The following PTPRG variants were observed in gnomAD, a reference collection of about 807,000 sequenced individuals.
The protein encoded by PTPRG is receptor-type tyrosine-protein phosphatase gamma.
In PTPRG, 102 loss-of-function variants were observed where a neutral mutation model predicts 165.3. The ratio of observed to expected loss-of-function variants is 0.62; its 90% CI spans 0.53 to 0.73. The LOEUF (loss-of-function observed/expected upper bound fraction) is 0.73. PTPRG is among the 30% of genes least tolerant of loss of function. The pLI is 0.00. For missense variants in PTPRG, 1,866 were observed against 1,861.4 expected, an observed-to-expected ratio of 1.00 and a Z score of -0.05; for synonymous variants, 675 against 669.5, an observed-to-expected ratio of 1.01 and a Z score of -0.13.
chr3:62,046,092 C>T (rs1285449370), intron 4 of PTPRG, among the ~76,000 whole-genome samples: 1 of 152,180 alleles, frequency 6.6e-6, no homozygotes, highest in African/African-American at 2.4e-5. Flanking sequence ...AGGGCTGTGA[C>T]TGTCAAACTT....
chr3:61,654,120 G>A (rs1248713489), intron 1 of PTPRG, among the ~76,000 whole-genome samples: 9 of 152,114 alleles, frequency 5.9e-5, no homozygotes, highest in Non-Finnish European at 1.3e-4. Flanking sequence ...GTGCCTTATA[G>A]TGTTGTGGTG....
chr3:61,922,025 T>C (rs1169447434), intron 2 of PTPRG, among the ~76,000 whole-genome samples: 1 of 152,218 alleles, frequency 6.6e-6, no homozygotes, highest in Non-Finnish European at 1.5e-5. Flanking sequence ...AGGAAGCTCT[T>C]CCAGAAATGT....
rs1226305258 is a variant in PTPRG at position 62,003,492 on chromosome 3, G to C, written c.514G>C (p.Val172Leu). 3.1e-6 allele frequency: 5 copies of C among 1,613,712 alleles called. No homozygotes were observed. Among genetic ancestry groups the C allele is most frequent in the African/African-American group, 1.3e-5 (1 of 74,990 alleles). Residue 172 changes from valine to leucine, a missense_variant, in exon 4 of 30, where the codon GTT becomes CTT. By Grantham distance (32) the Val-to-Leu change is conservative. Transcript: ENST00000474889. ...CAGCATCAATGGCAGGAGGTTTCCT[G>C]TTGAGGTGAGAGAAAGTCAAGATCT... Reference protein sequence around the residue: ...EHSINGRRFPVEMQIFFYNPD... With the variant: ...EHSINGRRFPLEMQIFFYNPD...
intron 8 of PTPRG, among the ~76,000 whole-genome samples, chr3:62,171,778 C>T (rs947634373): frequency 6.6e-6 from 1 of 151,796 alleles, no homozygotes; most frequent in African/African-American, 2.4e-5. Flanking sequence ...GTGTACACAT[C>T]AGTGTTTTTT....
At chr3:61,756,043 G>A (rs1032864481) in intron 2 of PTPRG, among the ~76,000 whole-genome samples, 8 of 152,256 alleles carry the variant, frequency 5.3e-5, no homozygotes, top group Non-Finnish European at 1.0e-4. Context: ...TGTACAAGGA[G>A]GAGAAGGCAA....
intron 14 of PTPRG, among the ~76,000 whole-genome samples, chr3:62,241,092 G>T (rs944977772): frequency 6.6e-6 from 1 of 151,896 alleles, no homozygotes; most frequent in Non-Finnish European, 1.5e-5. Flanking sequence ...GAAGATTTTG[G>T]GTGTTTTTAA....
At chr3:61,597,555 T>G (rs1411969320) in intron 1 of PTPRG, among the ~76,000 whole-genome samples, 2 of 152,236 alleles carry the variant, frequency 1.3e-5, no homozygotes, top group African/African-American at 2.4e-5. Flanking sequence ...CTAGGGCATG[T>G]AAGTCCATTT....
At chr3:62,150,047 T>G (rs550785495) in intron 6 of PTPRG, among the ~76,000 whole-genome samples, 11 of 152,356 alleles carry the variant, frequency 7.2e-5, no homozygotes, top group Admixed American at 6.5e-4. Flanking sequence ...GCCTTCAGGC[T>G]TTCAATCAAA....
intron 1 of PTPRG, chr3:61,659,439 C>G (rs1374167889): frequency 3.0e-6 from 3 of 985,122 alleles, no homozygotes; most frequent in Non-Finnish European, 2.4e-6. Context: ...AGTGAAAAAG[C>G]CTTTGCAGGT....
intron 1 of PTPRG, among the ~76,000 whole-genome samples, chr3:61,569,615 G>A (rs1700008123): frequency 6.6e-6 from 1 of 152,176 alleles, no homozygotes; most frequent in Admixed American, 6.5e-5. Context: ...CATTGCTCCT[G>A]GCCACCGTTT....
chr3:61,825,580 A>C (rs1490341574), intron 2 of PTPRG, among the ~76,000 whole-genome samples: 2 of 152,156 alleles, frequency 1.3e-5, no homozygotes, highest in Non-Finnish European at 2.9e-5. Context: ...TAGTTAAATA[A>C]ATTTCACAAA....
At chr3:61,676,325 C>T (rs1405544552) in intron 1 of PTPRG, among the ~76,000 whole-genome samples, 4 of 151,262 alleles carry the variant, frequency 2.6e-5, no homozygotes, top group Non-Finnish European at 5.9e-5. Flanking sequence ...GGTGTGGTGG[C>T]GGGCACGTGA....
intron 5 of PTPRG, among the ~76,000 whole-genome samples, chr3:62,100,257 C>G (rs1702243935): frequency 6.6e-6 from 1 of 151,990 alleles, no homozygotes; most frequent in Non-Finnish European, 1.5e-5. Flanking sequence ...GGTCTATGAC[C>G]CAATTCTCAG....
intron 12 of PTPRG, 109 bp downstream of exon 12, chr3:62,204,059 TAGAA>T: frequency 6.9e-7 from 1 of 1,440,218 alleles, no homozygotes; most frequent in Non-Finnish European, 9.1e-7. Flanking sequence ...TTAATATTCT[TAGAA>T]TCATATATGT....
At position 62,214,278 on chromosome 3, in the gene PTPRG, G is replaced by A. The variant is rs1364308615; in HGVS notation, c.2156-4573G>A. Among the ~76,000 whole-genome samples the A allele has an allele frequency of 6.6e-6, 1 of 152,202 alleles. No homozygotes were observed. The highest frequency in any genetic ancestry group is 1.5e-5 in the Non-Finnish European group (1 of 68,034). Reference sequence around the variant, plus strand: ...GGGTGCTGAGGAAGAGAGTGGTGGTGATGATAAGTAATGATGCTGTTGCTA... The same window carrying A: ...GGGTGCTGAGGAAGAGAGTGGTGGTAATGATAAGTAATGATGCTGTTGCTA... On this transcript the variant is annotated intron_variant, in intron 12 of 29. Transcript: ENST00000474889. This position sits in a 1 kb window ranked among gnomAD's most constrained non-coding sequence, Gnocchi z 5.2.
At chr3:61,798,259 T>C (rs572659802) in intron 2 of PTPRG, among the ~76,000 whole-genome samples, 1 of 152,194 alleles carries the variant, frequency 6.6e-6, no homozygotes, top group Non-Finnish European at 1.5e-5. Context: ...TAGATACAAC[T>C]GTAGCTATAA....
chr3:61,597,554 G>A (rs1299916627), intron 1 of PTPRG, among the ~76,000 whole-genome samples: 4 of 152,220 alleles, frequency 2.6e-5, no homozygotes, highest in African/African-American at 9.6e-5. Context: ...TCTAGGGCAT[G>A]TAAGTCCATT....
intron 1 of PTPRG, among the ~76,000 whole-genome samples, chr3:61,590,129 A>G (rs1406010019): frequency 2.0e-5 from 3 of 152,000 alleles, no homozygotes; most frequent in East Asian, 3.9e-4. Context: ...GGATGGCATC[A>G]TCTTCTATTT....
intron 2 of PTPRG, among the ~76,000 whole-genome samples, chr3:61,855,454 A>G (rs943332051): frequency 2.0e-5 from 3 of 152,088 alleles, no homozygotes; most frequent in African/African-American, 7.2e-5. Flanking sequence ...GGTGGTTTTC[A>G]AAGTGTGTTC....
Sources: allele counts gnomAD v4.1 joint callset (sites outside exome capture counted in the v4.1 genomes callset), GRCh38; gene constraint gnomAD v4.1.1; non-coding constraint Gnocchi (gnomAD v3.1); transcripts MANE v1.5; gene names NCBI Gene and HGNC (gene_info 2026-07-23, HGNC 2026-07-21).